KLHL15: variants seen among roughly 807,000 people sequenced by gnomAD.
The protein encoded by KLHL15 is kelch-like protein 15.
KLHL15 carries 1 observed loss-of-function variant against 29.3 expected under a neutral mutation model. The observed-to-expected ratio is 0.03, with a 90% CI of 0.01 to 0.16. The LOEUF (loss-of-function observed/expected upper bound fraction) is 0.16, where lower values mean the gene tolerates loss of function less well. Among genes scored for constraint, KLHL15 ranks in the 10% least tolerant of loss-of-function variants. The pLI is 1.00. For synonymous variants in KLHL15, 212 were observed against 184.5 expected (o/e 1.15, Z -1.21); for missense variants, 215 against 478.5 (o/e 0.45, Z 5.14).
At chrX:24,004,799 A>AG (rs896272291) in intron 3 of KLHL15, among the ~76,000 whole-genome samples, 4 of 110,455 alleles carry the variant, frequency 3.6e-5, no homozygotes, top group African/African-American at 1.3e-4. Context: ...CAAAAAAAAA[A>AG]AAAAAAATAC....
In KLHL15 at chrX:23,991,561, G is replaced by C. The variant is rs756895824; in HGVS notation, c.706-2531C>G. ...AAACAAACAAACAAACCAAAACCAG[G>C]CTGGGCGCGGTGGCTCATGCCTGTG... On this transcript the variant is annotated intron_variant, in intron 3 of 3. Coordinates refer to ENST00000328046, the MANE Select transcript of KLHL15 (RefSeq NM_030624.3). 1.1e-4 allele frequency among the ~76,000 whole-genome samples: 12 copies of C among 110,972 alleles called. No individual in the cohort carries two copies. In the South Asian group the frequency reaches 4.5e-3, roughly 42 times the overall value.
rs1462229474 is a variant in KLHL15 at position 23,987,381 on chromosome X, C to T, written c.*540G>A. ...ACACAATGCGGATAAGAGAAGGCAG[C>T]TTAGAAATAGTGTTTTGAATATAAA... On this transcript the variant is annotated 3_prime_UTR_variant, in exon 4 of 4. Transcript: ENST00000328046. The T allele has an allele frequency of 8.9e-6, 1 of 112,116 alleles. No individual in the cohort carries two copies. The highest frequency in any genetic ancestry group is 3.2e-5 in the African/African-American group (1 of 30,847). 9.2% of individuals were successfully genotyped at this position (112,116 alleles called of 1,213,427 possible).
intron 3 of KLHL15, among the ~76,000 whole-genome samples, chrX:24,004,355 A>G: frequency 9.0e-6 from 1 of 111,331 alleles, no homozygotes; most frequent in Non-Finnish European, 1.9e-5. Flanking sequence ...TCTCAAAACA[A>G]AACAAAACAA....
rs766789719 is a variant in KLHL15 at position 23,983,760 on chromosome X, A to G, written c.*4161T>C. ...ATATTTTATTTAAACTTTTCTTCATAAACACTTTTAACATTTTTTTCAATT... is the reference window on the plus strand; with the variant it reads ...ATATTTTATTTAAACTTTTCTTCATGAACACTTTTAACATTTTTTTCAATT... On this transcript the variant is annotated 3_prime_UTR_variant, in exon 4 of 4. Transcript: ENST00000328046. 2 of 112,434 alleles carry G rather than the reference A, an allele frequency of 1.8e-5. No homozygotes were observed. Among genetic ancestry groups the G allele is most frequent in the Non-Finnish European group, 3.8e-5 (2 of 53,311 alleles). The allele number at this position is 112,434 out of a possible 1,213,427, so 9.3% of individuals were successfully genotyped here. A position where few individuals can be genotyped will look rare whatever the true frequency, so the allele number is the denominator to read the frequency against.
rs528490470 is a variant in KLHL15, at chrX:24,006,394, G to A, written c.300C>T (p.Thr100=). The stretch of plus-strand genomic sequence containing the variant: ...TGGCAGCCTGAAGAATCTCATGAAC[G>A]GTATTCATACTCAGCTCTATAGTTC... ...YYGTIELSMN[T]VHEILQAAMY... is the part of the protein sequence containing the mutation. The change falls in exon 3 of 4, where the codon ACC becomes ACT. Residue 100 remains threonine, a synonymous_variant. Transcript: ENST00000328046. The A allele has an allele frequency of 4.1e-6, 5 of 1,211,224 alleles. No homozygotes were observed. Among genetic ancestry groups the A allele is most frequent in the South Asian group, 1.8e-5 (1 of 56,990 alleles).
chrX:24,009,686 CAAAAAAAAAA>C (rs748388349), intron 2 of KLHL15, among the ~76,000 whole-genome samples: 1 of 34,221 alleles, frequency 2.9e-5, no homozygotes, highest in Non-Finnish European at 5.6e-5. Flanking sequence ...GTTCCATTTT[CAAAAAAAAAA>C]AAAAAAAAAA....
intron 3 of KLHL15, among the ~76,000 whole-genome samples, chrX:24,003,645 A>ATATG (rs1219179467): frequency 1.2e-5 from 1 of 80,235 alleles, no homozygotes; most frequent in African/African-American, 5.5e-5. Context: ...TAGCATAAAT[A>ATATG]TATGTGTGTG....
chrX:24,001,790 C>T lies in KLHL15; in HGVS notation c.705+4199G>A, dbSNP rs996719793. Among the ~76,000 whole-genome samples, 4 of 65,742 alleles carry T rather than the reference C, an allele frequency of 6.1e-5. No individual in the cohort carries two copies. In the Admixed American group the frequency reaches 7.8e-4, roughly 13 times the overall value. 57.1% of individuals were successfully genotyped at this position (65,742 alleles called of 115,157 possible). ...CTGCACTCCAGCCTAGGAGACAGAG[C>T]GAGACTTGACTCAAAAAAAAAAAAA... On this transcript the variant is annotated intron_variant, in intron 3 of 3. Coordinates refer to ENST00000328046, the MANE Select transcript of KLHL15 (RefSeq NM_030624.3).
rs753105086 is a variant in KLHL15, at chrX:24,010,248, CT to C, written c.-7-3549del. 2.7e-5 allele frequency among the ~76,000 whole-genome samples: 3 copies of C among 111,332 alleles called. No individual in the cohort carries two copies. The South Asian group carries it at 1.1e-3, about 42-fold the overall frequency. ...CCTTCCTACTCTCTTTTCACTTGGT[CT>C]ATCATCTCCTAACTTAACCTCTGTC... On this transcript the variant is annotated intron_variant, in intron 2 of 3. Transcript: ENST00000328046.
At chrX:24,023,140 A>C (rs1207546984) in intron 2 of KLHL15, among the ~76,000 whole-genome samples, 1 of 111,890 alleles carries the variant, frequency 8.9e-6, no homozygotes, top group Non-Finnish European at 1.9e-5. Context: ...GTACAATCCC[A>C]GTTTTACATG....
intron 2 of KLHL15, among the ~76,000 whole-genome samples, chrX:24,010,951 C>T (rs1435534516): frequency 3.6e-5 from 4 of 110,416 alleles, no homozygotes; most frequent in African/African-American, 1.3e-4. Flanking sequence ...TTGGGAATCC[C>T]TCTGTACTCT....
intron 2 of KLHL15, among the ~76,000 whole-genome samples, chrX:24,012,983 T>A (rs1043769333): frequency 2.7e-5 from 3 of 111,533 alleles, no homozygotes; most frequent in African/African-American, 9.9e-5. Context: ...ACAAGAGGTC[T>A]ATCTATAATT....
intron 2 of KLHL15, among the ~76,000 whole-genome samples, chrX:24,006,926 T>C (rs1396412857): frequency 8.9e-6 from 1 of 111,732 alleles, no homozygotes; most frequent in Non-Finnish European, 1.9e-5. Context: ...TTCATGCCTA[T>C]AACCCCAGCA....
intron 2 of KLHL15, among the ~76,000 whole-genome samples, chrX:24,019,598 G>A (rs1325917767): frequency 3.6e-5 from 4 of 110,486 alleles, no homozygotes; most frequent in Non-Finnish European, 7.6e-5. Context: ...AAGAAGTCCT[G>A]AGACCACAGG....
In KLHL15 at chrX:23,988,536, G is replaced by A. The variant is rs749437892; in HGVS notation, c.1200C>T (p.Asp400=). 8.3e-7 allele frequency: 1 copy of A among 1,210,033 alleles called. No individual in the cohort carries two copies. The highest frequency in any genetic ancestry group is 1.7e-5 in the African/African-American group (1 of 57,214). Residue 400 remains aspartate (D), a synonymous_variant, in exon 4 of 4, where the codon GAC becomes GAT. Coordinates refer to ENST00000328046, the MANE Select transcript of KLHL15 (RefSeq NM_030624.3). ...DETFYSTERY[D]ITNDKWEFVD... The stretch of plus-strand genomic sequence containing the variant: ...CAAATTCCCATTTATCGTTGGTGAT[G>A]TCATATCTCTCAGTTGAATAGAAAG...
intron 2 of KLHL15, among the ~76,000 whole-genome samples, chrX:24,013,552 C>T (rs1170023904): frequency 9.0e-6 from 1 of 111,214 alleles, no homozygotes; most frequent in Non-Finnish European, 1.9e-5. Context: ...GCGTAAGCCA[C>T]CACACCCAGG....
chrX:24,013,924 A>G (rs773773889), intron 2 of KLHL15, among the ~76,000 whole-genome samples: 1 of 110,347 alleles, frequency 9.1e-6, no homozygotes, highest in Non-Finnish European at 1.9e-5. Flanking sequence ...GATACTATAT[A>G]TTTTTTTTCA....
chrX:24,006,032 T>C lies in KLHL15; in HGVS notation c.662A>G (p.Asn221Ser), dbSNP rs1210802281. The C allele has an allele frequency of 8.3e-7, 1 of 1,209,041 alleles. No homozygotes were observed. The highest frequency in any genetic ancestry group is 1.1e-6 in the Non-Finnish European group (1 of 895,072). The change falls in exon 3 of 4, where the codon AAT (asparagine) becomes AGT (serine). Residue 221 changes from asparagine to serine, a missense_variant. Coordinates refer to ENST00000328046, the MANE Select transcript of KLHL15 (RefSeq NM_030624.3). ...TGGGGTCATCAAGCAAAACCGGATATTCTGAATGATGGTATCGGTATGTCT... is the reference window on the plus strand; with the variant it reads ...TGGGGTCATCAAGCAAAACCGGATACTCTGAATGATGGTATCGGTATGTCT... Reference protein sequence around the residue: ...RWRHTDTIIQNIRFCLMTPTS... With the variant: ...RWRHTDTIIQSIRFCLMTPTS...
intron 3 of KLHL15, among the ~76,000 whole-genome samples, chrX:23,989,253 T>TG (rs1242484174): frequency 9.2e-6 from 1 of 108,601 alleles, no homozygotes; most frequent in Non-Finnish European, 1.9e-5. Flanking sequence ...TGCAGTTGCA[T>TG]GGACTCAGCT....
Sources: gnomAD v4.1 joint callset for allele counts (sites outside exome capture counted in the v4.1 genomes callset) on GRCh38, gnomAD v4.1.1 for gene constraint, MANE v1.5 for transcripts, NCBI Gene and HGNC (gene_info 2026-07-23, HGNC 2026-07-21) for gene names.